The following CSF2RB variants were observed in gnomAD, a reference collection of about 807,000 sequenced individuals.
CSF2RB encodes the protein cytokine receptor common subunit beta.
A neutral mutation model predicts 67.2 loss-of-function variants in CSF2RB; 22 were observed. That is an observed-to-expected ratio of 0.33 (90% CI 0.23 to 0.47). CSF2RB has a LOEUF of 0.47. CSF2RB is among the 20% of genes least tolerant of loss of function. The pLI, the probability that CSF2RB is intolerant of heterozygous loss-of-function variation, is 1.00. For missense variants in CSF2RB, 1,113 were observed against 1,174.5 expected (o/e 0.95, Z 0.76); for synonymous variants, 507 against 482.9 (o/e 1.05, Z -0.65).
intron 1 of CSF2RB, among the ~76,000 whole-genome samples, chr22:36,920,839 G>A (rs1023223423): frequency 1.3e-5 from 2 of 152,154 alleles, no homozygotes; most frequent in African/African-American, 4.8e-5. Context: ...GTAAAATGGG[G>A]TTTTAGATAG....
At chr22:36,915,898 CT>C (rs35531891) in intron 1 of CSF2RB, among the ~76,000 whole-genome samples, 3 of 151,938 alleles carry the variant, frequency 2.0e-5, no homozygotes, top group African/African-American at 7.3e-5. Flanking sequence ...GTGGATTGGC[CT>C]TTTGGATTTC....
At chr22:36,934,206 G>A (rs1229495719) in intron 10 of CSF2RB, among the ~76,000 whole-genome samples, 1 of 152,170 alleles carries the variant, frequency 6.6e-6, no homozygotes, top group Admixed American at 6.5e-5. Context: ...AAGAGGCAAA[G>A]AGTAAAGCAG....
intron 10 of CSF2RB, among the ~76,000 whole-genome samples, chr22:36,934,683 G>A (rs1941230306): frequency 6.6e-6 from 1 of 152,164 alleles, no homozygotes; most frequent in African/African-American, 2.4e-5. Flanking sequence ...TCACCACAGT[G>A]ACCACCAGGC....
intron 6 of CSF2RB, 78 bp from the exon 7 acceptor site, chr22:36,930,297 G>A (rs2145807118): frequency 6.3e-7 from 1 of 1,588,238 alleles, no homozygotes; most frequent in Non-Finnish European, 8.6e-7. Flanking sequence ...TCTGTGTGAT[G>A]AATCACACGG....
At chr22:36,933,519 G>A (rs1941202654) in intron 9 of CSF2RB, among the ~76,000 whole-genome samples, 1 of 152,210 alleles carries the variant, frequency 6.6e-6, no homozygotes. Flanking sequence ...GCCACAATAT[G>A]GGTGCAAGCT....
Position 36,937,968 on chromosome 22 carries a change from C to G in CSF2RB, c.2160C>G (p.Thr720=). 1 of 1,614,142 alleles carries G rather than the reference C, an allele frequency of 6.2e-7. No individual in the cohort carries two copies. Among genetic ancestry groups the G allele is most frequent in the Non-Finnish European group, 8.5e-7 (1 of 1,180,002 alleles). The change falls in exon 14 of 14, where the codon ACC becomes ACG. Residue 720 remains threonine (T), a synonymous_variant. Coordinates refer to ENST00000403662, the MANE Select transcript of CSF2RB (RefSeq NM_000395.3). This position sits in a 1 kb window ranked among gnomAD's most constrained non-coding sequence, Gnocchi z 4.6. ...GYVSSADLVF[T]PNSGASSVSL... Reference sequence around the variant, plus strand: ...TCTCCTCTGCAGACCTGGTATTCACCCCAAACTCAGGGGCCTCGTCTGTCT... The same window carrying G: ...TCTCCTCTGCAGACCTGGTATTCACGCCAAACTCAGGGGCCTCGTCTGTCT...
At chr22:36,931,570 G>T (rs1223082260) in intron 8 of CSF2RB, among the ~76,000 whole-genome samples, 1 of 152,258 alleles carries the variant, frequency 6.6e-6, no homozygotes, top group Non-Finnish European at 1.5e-5. Context: ...TACAGTGAAG[G>T]CATCAAGGTT....
intron 8 of CSF2RB, among the ~76,000 whole-genome samples, chr22:36,932,398 G>A (rs939612243): frequency 2.9e-5 from 4 of 137,932 alleles, no homozygotes; most frequent in African/African-American, 1.1e-4. Context: ...TCACACCACT[G>A]CACTCCAGCC....
rs140436564 is a variant in CSF2RB, at chr22:36,938,315, G to A, written c.2507G>A (p.Arg836Gln). Residue 836 changes from arginine (R) to glutamine (Q), a missense_variant, in exon 14 of 14, where the codon CGG becomes CAG. Physicochemically the swap from Arg to Gln is conservative, Grantham distance 43 (BLOSUM62 1). This residue lies in a region of CSF2RB where 554 missense variants were observed against 517.9 expected (regional missense o/e 1.07). Transcript: ENST00000403662. ...CTGGGGCCCGGCCCTCTCTCGCTCC[G>A]GAGTAAACCTTCTTCCCCGGGACCC... ...PGLGPGPLSL[R>Q]SKPSSPGPGP... 108 of 1,614,070 alleles carry A rather than the reference G, an allele frequency of 6.7e-5. No individual in the cohort carries two copies. Among genetic ancestry groups the A allele is most frequent in the African/African-American group, 2.5e-4 (19 of 74,924 alleles).
chr22:36,930,892 C>A (rs934984707), intron 8 of CSF2RB, 62 bp downstream of exon 8: 11 of 1,592,294 alleles, frequency 6.9e-6, no homozygotes, highest in Non-Finnish European at 9.5e-6. Flanking sequence ...CATTGTGTAA[C>A]CCGAATCAGT....
At chr22:36,924,241 A>C (rs372428307) in intron 3 of CSF2RB, among the ~76,000 whole-genome samples, 229 of 151,556 alleles carry the variant, frequency 1.5e-3, no homozygotes, top group African/African-American at 5.4e-3. Flanking sequence ...GACCAGGGAG[A>C]AGCTCCCCAC....
chr22:36,921,465 T>TTGTG (rs148312934), intron 1 of CSF2RB, among the ~76,000 whole-genome samples: 1 of 150,840 alleles, frequency 6.6e-6, no homozygotes, highest in African/African-American at 2.4e-5. Context: ...GTCCGTGTGC[T>TTGTG]TGTGTGTGTG....
At chr22:36,925,855 G>T (rs958245138) in intron 3 of CSF2RB, 132 bp from the exon 4 acceptor site, 1 of 1,018,596 alleles carries the variant, frequency 9.8e-7, no homozygotes, top group Non-Finnish European at 1.5e-6. Flanking sequence ...CCGTGGGCAG[G>T]ATTTTTGTGT....
chr22:36,939,330 T>C lies in CSF2RB; in HGVS notation c.*828T>C, dbSNP rs533210297. Reference sequence around the variant, plus strand: ...AGAGGAGTCCAGAGCCCACGTCTACTGCGGAAAAGTCAGGGGAAACTGCCA... The same window carrying C: ...AGAGGAGTCCAGAGCCCACGTCTACCGCGGAAAAGTCAGGGGAAACTGCCA... On this transcript the variant is annotated 3_prime_UTR_variant, in exon 14 of 14. Transcript: ENST00000403662. 1.4e-6 allele frequency: 1 copy of C among 696,328 alleles called. No homozygotes were observed. The highest frequency in any genetic ancestry group is 2.6e-6 in the Non-Finnish European group (1 of 381,560). The allele number at this position is 696,328 out of a possible 1,614,324, so 43.1% of individuals were successfully genotyped here.
chr22:36,916,725 G>C (rs1044993526), intron 1 of CSF2RB, among the ~76,000 whole-genome samples: 4 of 152,112 alleles, frequency 2.6e-5, no homozygotes, highest in Admixed American at 1.3e-4. Context: ...CGGGTTTGGT[G>C]GTGTGCACCT....
chr22:36,918,489 G>A (rs988825551), intron 1 of CSF2RB, among the ~76,000 whole-genome samples: 3 of 152,184 alleles, frequency 2.0e-5, no homozygotes, highest in African/African-American at 4.8e-5. Flanking sequence ...GTGAGAACTA[G>A]GCATGGCTTT....
rs1197316020 is a variant in CSF2RB at position 36,933,844 on chromosome 22, G to A, written c.1165G>A (p.Glu389Lys). The change falls in exon 10 of 14, where the codon GAG becomes AAG. Residue 389 changes from glutamate (E) to lysine (K), a missense_variant. By Grantham distance (56) the Glu-to-Lys change is moderately conservative. Around this residue, in one of 2 missense-constraint regions of CSF2RB, gnomAD observed 559 missense variants for 656.5 expected, o/e 0.85. Coordinates refer to ENST00000403662, the MANE Select transcript of CSF2RB (RefSeq NM_000395.3). Reference sequence around the variant, plus strand: ...TGCCAACCCACAGGACAGCAAGACCGAGACCCTCCAGAACGCCCACAGCAT... The same window carrying A: ...TGCCAACCCACAGGACAGCAAGACCAAGACCCTCCAGAACGCCCACAGCAT... ...DTATWKDSKT[E>K]TLQNAHSMAL... is the part of the protein sequence containing the mutation. 10 of 1,608,426 alleles carry A rather than the reference G, an allele frequency of 6.2e-6. No homozygotes were observed. The highest frequency in any genetic ancestry group is 3.3e-5 in the Admixed American group (2 of 59,880).
chr22:36,936,247 T>A (rs1165489746), intron 12 of CSF2RB, among the ~76,000 whole-genome samples: 1 of 151,960 alleles, frequency 6.6e-6, no homozygotes, highest in Non-Finnish European at 1.5e-5. Context: ...GCTTTGCCTG[T>A]GGAGGGGTCT....
chr22:36,935,496 G>A (rs1175065353), intron 11 of CSF2RB, 55 bp downstream of exon 11: 4 of 1,607,170 alleles, frequency 2.5e-6, no homozygotes, highest in Admixed American at 3.3e-5. Context: ...AGGGCACTGG[G>A]GAATCCCACC....
Sources: allele counts gnomAD v4.1 joint callset (sites outside exome capture counted in the v4.1 genomes callset), GRCh38; gene constraint gnomAD v4.1.1; regional missense constraint gnomAD v4.1.1; non-coding constraint Gnocchi (gnomAD v3.1); transcripts MANE v1.5; gene names NCBI Gene and HGNC (gene_info 2026-07-23, HGNC 2026-07-21).